Variants in ZNF804A observed in about 807,000 individuals in gnomAD.
ZNF804A encodes the protein zinc finger protein 804A.
In ZNF804A, 2 loss-of-function variants were observed where a neutral mutation model predicts 16.5. The observed-to-expected ratio is 0.12, with a 90% CI of 0.05 to 0.38. The LOEUF is 0.38. ZNF804A is among the 10% of genes least tolerant of loss of function. The pLI, the probability that ZNF804A is intolerant of heterozygous loss-of-function variation, is 0.99. For missense variants in ZNF804A, 1,473 were observed against 1,390.7 expected (o/e 1.06, Z -0.94); for synonymous variants, 534 against 489.6 (o/e 1.09, Z -1.20).
At chr2:184,851,403 T>C (rs1341759938) in intron 1 of ZNF804A, among the ~76,000 whole-genome samples, 1 of 151,978 alleles carries the variant, frequency 6.6e-6, no homozygotes, top group African/African-American at 2.4e-5. Flanking sequence ...TCAATGTTTT[T>C]AGGTTCCACG....
chr2:184,812,339 T>G (rs554761055), intron 1 of ZNF804A, among the ~76,000 whole-genome samples: 1 of 152,304 alleles, frequency 6.6e-6, no homozygotes. Flanking sequence ...GAGGGAAACC[T>G]TTGAGTAATG....
At chr2:184,726,993 G>A (rs1366373444) in intron 1 of ZNF804A, among the ~76,000 whole-genome samples, 1 of 151,564 alleles carries the variant, frequency 6.6e-6, no homozygotes, top group Non-Finnish European at 1.5e-5. Flanking sequence ...GAGGAGTTAC[G>A]TGGAATTGGA....
chr2:184,721,346 T>A (rs1374891099), intron 1 of ZNF804A, among the ~76,000 whole-genome samples: 1 of 152,072 alleles, frequency 6.6e-6, no homozygotes, highest in Non-Finnish European at 1.5e-5. Flanking sequence ...AAACTATTCA[T>A]CTAACAAGGG....
intron 1 of ZNF804A, among the ~76,000 whole-genome samples, chr2:184,785,090 T>C (rs1049052593): frequency 6.6e-6 from 1 of 151,996 alleles, no homozygotes; most frequent in African/African-American, 2.4e-5. Context: ...CCATGTGGCA[T>C]TGAGCTAGTA....
chr2:184,856,029 T>A (rs1228080284), intron 1 of ZNF804A, among the ~76,000 whole-genome samples: 1 of 152,012 alleles, frequency 6.6e-6, no homozygotes, highest in Non-Finnish European at 1.5e-5. Flanking sequence ...CCAAAACGAT[T>A]CTGAAGCAAG....
chr2:184,705,272 C>T (rs1693003728), intron 1 of ZNF804A, among the ~76,000 whole-genome samples: 2 of 152,018 alleles, frequency 1.3e-5, no homozygotes, highest in Non-Finnish European at 1.5e-5. Flanking sequence ...TAGTGAAGAA[C>T]TTTATTGACG....
chr2:184,608,989 A>T (rs528015345), intron 1 of ZNF804A, among the ~76,000 whole-genome samples: 1 of 152,312 alleles, frequency 6.6e-6, no homozygotes, highest in Admixed American at 6.5e-5. Context: ...AAAAGTTTGA[A>T]TCTACAGAAT....
At chr2:184,929,329 G>A (rs1685658581) in intron 2 of ZNF804A, among the ~76,000 whole-genome samples, 1 of 151,962 alleles carries the variant, frequency 6.6e-6, no homozygotes, top group Non-Finnish European at 1.5e-5. Context: ...TGAAAGTCCT[G>A]GCATTTTGCA....
At chr2:184,935,638 A>G in intron 3 of ZNF804A, 145 bp from the exon 4 acceptor site, 1 of 854,260 alleles carries the variant, frequency 1.2e-6, no homozygotes, top group South Asian at 2.1e-5. Flanking sequence ...CATGGAAAGT[A>G]CTTACACCAT....
intron 1 of ZNF804A, among the ~76,000 whole-genome samples, chr2:184,739,119 G>T (rs1341444230): frequency 1.3e-5 from 2 of 152,114 alleles, no homozygotes; most frequent in East Asian, 1.9e-4. Context: ...TAGCTCCCAT[G>T]ATTATTTTGG....
At position 184,936,589 on chromosome 2, in the gene ZNF804A, C is replaced by A; in HGVS notation, c.1193C>A (p.Thr398Lys). 2 of 1,614,010 alleles carry A rather than the reference C, an allele frequency of 1.2e-6. No individual in the cohort carries two copies. Among genetic ancestry groups the A allele is most frequent in the Non-Finnish European group, 1.7e-6 (2 of 1,179,932 alleles). ...GTTGAAAATAAAAATGGTCCCGAGA[C>A]ATTGGCCCCTTCAAATACTGAAGAG... is the stretch of plus-strand genomic sequence containing the variant. Reference protein sequence around the residue: ...TEVENKNGPETLAPSNTEEVN... With the variant: ...TEVENKNGPEKLAPSNTEEVN... Residue 398 changes from threonine (T) to lysine (K), a missense_variant, in exon 4 of 4, where the codon ACA (threonine) becomes AAA (lysine). Coordinates refer to ENST00000302277, the MANE Select transcript of ZNF804A (RefSeq NM_194250.2).
chr2:184,623,730 A>G (rs2105681678), intron 1 of ZNF804A, among the ~76,000 whole-genome samples: 1 of 152,276 alleles, frequency 6.6e-6, no homozygotes, highest in South Asian at 2.1e-4. Flanking sequence ...CACAATCTTT[A>G]AAAAAGAGCC....
intron 1 of ZNF804A, among the ~76,000 whole-genome samples, chr2:184,837,564 A>G (rs1695371359): frequency 6.6e-6 from 1 of 152,162 alleles, no homozygotes; most frequent in African/African-American, 2.4e-5. Flanking sequence ...TAATTGCAGC[A>G]GTGATTTTTT....
chr2:184,655,961 A>G (rs1016049364), intron 1 of ZNF804A, among the ~76,000 whole-genome samples: 3 of 152,154 alleles, frequency 2.0e-5, no homozygotes, highest in African/African-American at 4.8e-5. Context: ...ATAATTAGAT[A>G]TGTTAATTGA....
chr2:184,700,573 G>A (rs1265500533), intron 1 of ZNF804A, among the ~76,000 whole-genome samples: 1 of 152,022 alleles, frequency 6.6e-6, no homozygotes, highest in African/African-American at 2.4e-5. Flanking sequence ...ACTGACATTA[G>A]GGCAGCTGTA....
Position 184,859,851 on chromosome 2 carries a change from GA to G in ZNF804A, c.112-6517del. On this transcript the variant is annotated intron_variant, in intron 1 of 3. Transcript: ENST00000302277. ...CGAGTTGTCCTGCTGCCTAGGTCAG[GA>G]GGTAGGTGGGCCTAGTACCTATGGC... Among the ~76,000 whole-genome samples the G allele has an allele frequency of 2.0e-5, 3 of 152,340 alleles. No homozygotes were observed. In the Middle Eastern group the frequency reaches 0.01, roughly 518 times the overall value.
intron 1 of ZNF804A, among the ~76,000 whole-genome samples, chr2:184,766,601 G>A (rs201924738): frequency 1.4e-5 from 2 of 147,390 alleles, no homozygotes; most frequent in African/African-American, 5.0e-5. Flanking sequence ...TGACTGTCTT[G>A]TAAAAATAAC....
Position 184,865,904 on chromosome 2 carries a change from A to G in ZNF804A, c.112-465A>G, listed in dbSNP as rs548096763. Among the ~76,000 whole-genome samples, 4 of 152,330 alleles carry G rather than the reference A, an allele frequency of 2.6e-5. No homozygotes were observed. In the South Asian group the frequency reaches 8.3e-4, roughly 32 times the overall value. The stretch of plus-strand genomic sequence containing the variant: ...TAGATGGAATGAATAATAAGTTACT[A>G]TATAGATAATTGAAACAAACAAAAT... On this transcript the variant is annotated intron_variant, in intron 1 of 3. Transcript: ENST00000302277.
rs530845493 is a variant in ZNF804A at position 184,922,590 on chromosome 2, G to A, written c.256-11013G>A. Among the ~76,000 whole-genome samples, 94 of 152,120 alleles carry A rather than the reference G, an allele frequency of 6.2e-4. No homozygotes were observed. In the South Asian group the frequency reaches 0.019, roughly 31 times the overall value. On this transcript the variant is annotated intron_variant, in intron 2 of 3. Coordinates refer to ENST00000302277, the MANE Select transcript of ZNF804A (RefSeq NM_194250.2). ...TAATTGTTTTCTTTGCTGTGCAGAA[G>A]CTTTTTAATTTGATGTGGCCCTATT...
Sources: allele counts gnomAD v4.1 joint callset (sites outside exome capture counted in the v4.1 genomes callset), GRCh38; gene constraint gnomAD v4.1.1; transcripts MANE v1.5; gene names NCBI Gene and HGNC (gene_info 2026-07-23, HGNC 2026-07-21).